Variants in ZMYND8 observed in about 807,000 individuals in gnomAD.
The protein encoded by ZMYND8 is zinc finger MYND-type containing 8, also known as MYND-type zinc finger-containing chromatin reader ZMYND8.
Under a neutral mutation model 140.8 loss-of-function variants are expected in ZMYND8, and 37 were observed. The observed-to-expected ratio is 0.26, with a 90% CI of 0.20 to 0.35. ZMYND8 has a LOEUF of 0.35. Ranked by LOEUF, ZMYND8 falls within the 10% of genes least tolerant of loss-of-function variation. The pLI, the probability that ZMYND8 is intolerant of heterozygous loss-of-function variation, is 1.00. For synonymous variants in ZMYND8, 592 were observed against 597.1 expected (o/e 0.99, Z 0.12); for missense variants, 1,068 against 1,570.0 (o/e 0.68, Z 5.40).
At chr20:47,216,390 G>C (rs1600868041) in intron 21 of ZMYND8, among the ~76,000 whole-genome samples, 1 of 150,202 alleles carries the variant, frequency 6.7e-6, no homozygotes. Flanking sequence ...AGCTACTCAG[G>C]AGGCTGAGGC....
At chr20:47,349,696 A>C (rs1320306239) in intron 1 of ZMYND8, among the ~76,000 whole-genome samples, 4 of 152,230 alleles carry the variant, frequency 2.6e-5, no homozygotes, top group African/African-American at 7.2e-5. Flanking sequence ...CTTTTCTAGC[A>C]ACTAGAATTC....
chr20:47,312,880 CCCGACTCT>C (rs1396764260), intron 2 of ZMYND8, among the ~76,000 whole-genome samples: 2 of 152,058 alleles, frequency 1.3e-5, no homozygotes, highest in Non-Finnish European at 2.9e-5. Flanking sequence ...TGGGTCCTCA[CCCGACTCT>C]CGCCACTGTT....
Position 47,283,631 on chromosome 20 carries a change from T to C in ZMYND8, c.822A>G (p.Val274=), listed in dbSNP as rs780029511. The C allele has an allele frequency of 6.2e-7, 1 of 1,614,076 alleles. No homozygotes were observed. Among genetic ancestry groups the C allele is most frequent in the Non-Finnish European group, 8.5e-7 (1 of 1,179,986 alleles). Residue 274 remains valine (V), a synonymous_variant, in exon 9 of 23, where the codon GTA becomes GTG. Transcript: ENST00000471951. ...ICEHEMNEIE[V]CPECYLAACQ... ...AAGCAGCTAGATAACATTCTGGACA[T>C]ACTTCGATTTCATTCATCTGTAAAG...
chr20:47,300,895 T>A lies in ZMYND8; in HGVS notation c.235-1948A>T, dbSNP rs2077981467. Among the ~76,000 whole-genome samples, 6 of 94,310 alleles carry A rather than the reference T, an allele frequency of 6.4e-5. No homozygotes were observed. In the Admixed American group the frequency reaches 6.6e-4, roughly 10 times the overall value. The allele number at this position is 94,310 out of a possible 152,430, so 61.9% of individuals were successfully genotyped here. ...ATGCACAACTAATTTTGTGTGTGTG[T>A]GTGTGTGTGTGTGTGTGTGTGTGTG... On this transcript the variant is annotated intron_variant, in intron 3 of 22. Transcript: ENST00000471951.
chr20:47,294,971 C>T lies in ZMYND8; in HGVS notation c.454-192G>A, dbSNP rs7509401. ...AGTGGGTAACTATTAAAAAGCGTATCAATCTATTTCCTTATCAGGAAGCAT... is the reference window on the plus strand; with the variant it reads ...AGTGGGTAACTATTAAAAAGCGTATTAATCTATTTCCTTATCAGGAAGCAT... On this transcript the variant is annotated intron_variant, in intron 4 of 22. Coordinates refer to ENST00000471951, the MANE Select transcript of ZMYND8 (RefSeq NM_001281775.3). Among the ~76,000 whole-genome samples, 6 of 152,306 alleles carry T rather than the reference C, an allele frequency of 3.9e-5. No individual in the cohort carries two copies. In the South Asian group the frequency reaches 1.2e-3, roughly 32 times the overall value.
At chr20:47,305,243 CT>C (rs371029817) in intron 3 of ZMYND8, among the ~76,000 whole-genome samples, 62 of 145,254 alleles carry the variant, frequency 4.3e-4, no homozygotes, top group East Asian at 6.0e-4. Flanking sequence ...AGCCCTGCCT[CT>C]TTTTTTTTTT....
intron 21 of ZMYND8, among the ~76,000 whole-genome samples, chr20:47,215,577 C>A (rs938862384): frequency 2.6e-5 from 4 of 151,386 alleles, no homozygotes; most frequent in African/African-American, 9.7e-5. Flanking sequence ...TATTCACAGG[C>A]ACTCACTGCA....
intron 2 of ZMYND8, among the ~76,000 whole-genome samples, chr20:47,339,570 G>A (rs903749342): frequency 9.9e-5 from 15 of 151,726 alleles, no homozygotes; most frequent in South Asian, 8.3e-4. Flanking sequence ...TCCGCCTCCC[G>A]GGTTCACGCC....
At chr20:47,294,883 C>T (rs946428260) in intron 4 of ZMYND8, 104 bp from the exon 5 acceptor site, 1 of 1,058,256 alleles carries the variant, frequency 9.4e-7, no homozygotes, top group African/African-American at 1.6e-5. Context: ...AAAAGCAATT[C>T]TCATCCCAAT....
chr20:47,241,539 A>T (rs2039970896), intron 14 of ZMYND8, among the ~76,000 whole-genome samples: 1 of 152,058 alleles, frequency 6.6e-6, no homozygotes, highest in Non-Finnish European at 1.5e-5. Context: ...AGAGCATTTG[A>T]GTAAGTGAGG....
chr20:47,243,239 T>G (rs1210329257), intron 14 of ZMYND8, among the ~76,000 whole-genome samples: 1 of 152,202 alleles, frequency 6.6e-6, no homozygotes, highest in East Asian at 1.9e-4. Context: ...CTTACTAAAC[T>G]CTTAAGTGAA....
chr20:47,303,705 AAAG>A (rs1447570337), intron 3 of ZMYND8, among the ~76,000 whole-genome samples: 2 of 152,168 alleles, frequency 1.3e-5, no homozygotes, highest in African/African-American at 2.4e-5. Context: ...CAAAAAAAAA[AAAG>A]AAGCTGGAAG....
At chr20:47,214,520 G>C (rs896015848) in intron 21 of ZMYND8, among the ~76,000 whole-genome samples, 1 of 152,176 alleles carries the variant, frequency 6.6e-6, no homozygotes, top group Non-Finnish European at 1.5e-5. Context: ...TTGAGACACA[G>C]TCTCACTCTG....
chr20:47,212,525 AAAAGAACAGGAG>A, intron 22 of ZMYND8, 105 bp downstream of exon 22: 2 of 1,218,266 alleles, frequency 1.6e-6, no homozygotes, highest in Non-Finnish European at 2.4e-6. Context: ...CCCACAACTC[AAAAGAACAGGAG>A]AAGACACACC....
In ZMYND8 at chr20:47,229,712, G is replaced by A. The variant is rs200776173; in HGVS notation, c.2937+14C>T. The stretch of plus-strand genomic sequence containing the variant: ...CACTCTTAGCAAATAAGAAATTCAT[G>A]TGTCATCTCTGACCTCAGCTATTGT... On this transcript the variant is annotated intron_variant, in intron 17 of 22. Coordinates refer to ENST00000471951, the MANE Select transcript of ZMYND8 (RefSeq NM_001281775.3). 6.2e-7 allele frequency: 1 copy of A among 1,609,764 alleles called. No homozygotes were observed. The highest frequency in any genetic ancestry group is 8.5e-7 in the Non-Finnish European group (1 of 1,176,792).
intron 12 of ZMYND8, among the ~76,000 whole-genome samples, chr20:47,257,297 CATATACAT>C (rs1242841169): frequency 6.6e-6 from 1 of 152,020 alleles, no homozygotes; most frequent in East Asian, 1.9e-4. Context: ...TCATATACCA[CATATACAT>C]ATACTCATAT....
At chr20:47,345,760 C>T (rs879747180) in intron 2 of ZMYND8, among the ~76,000 whole-genome samples, 2 of 151,582 alleles carry the variant, frequency 1.3e-5, no homozygotes, top group African/African-American at 4.9e-5. Context: ...CCACCCGCCT[C>T]GCCCTCCCAA....
At chr20:47,281,788 C>T (rs1387076954) in intron 10 of ZMYND8, among the ~76,000 whole-genome samples, 4 of 152,024 alleles carry the variant, frequency 2.6e-5, no homozygotes, top group African/African-American at 7.3e-5. Flanking sequence ...ACTTCAGAAA[C>T]CCCCTCCCAA....
chr20:47,220,972 C>T (rs971540620), intron 20 of ZMYND8, among the ~76,000 whole-genome samples: 1 of 152,156 alleles, frequency 6.6e-6, no homozygotes, highest in African/African-American at 2.4e-5. Context: ...ATCAGGTCCT[C>T]GGTCACACTA....
Sources: allele counts gnomAD v4.1 joint callset (sites outside exome capture counted in the v4.1 genomes callset), GRCh38; gene constraint gnomAD v4.1.1; transcripts MANE v1.5; gene names NCBI Gene and HGNC (gene_info 2026-07-23, HGNC 2026-07-21).